KCNQ1: variants seen among roughly 807,000 people sequenced by gnomAD.
The protein encoded by KCNQ1 is potassium voltage-gated channel subfamily KQT member 1.
Under a neutral mutation model 72.4 loss-of-function variants are expected in KCNQ1, and 49 were observed. The observed-to-expected ratio is 0.68, with a 90% CI of 0.54 to 0.86. KCNQ1 has a LOEUF of 0.86. Among genes scored for constraint, KCNQ1 ranks in the 40% least tolerant of loss-of-function variants. KCNQ1 has a pLI of 0.00. For missense variants in KCNQ1, 790 were observed against 945.1 expected (o/e 0.84, Z 2.15); for synonymous variants, 450 against 412.6 (o/e 1.09, Z -1.10).
rs1213560062 is a variant in KCNQ1 at position 2,549,099 on chromosome 11, T to C, written c.477+21081T>C. 1.3e-5 allele frequency among the ~76,000 whole-genome samples: 2 copies of C among 151,052 alleles called. No individual in the cohort carries two copies. Among genetic ancestry groups the C allele is most frequent in the African/African-American group, 4.9e-5 (2 of 40,982 alleles). On this transcript the variant is annotated intron_variant, in intron 2 of 15. Transcript: ENST00000155840. The surrounding 1 kb of genome is among the most constrained non-coding windows in gnomAD (Gnocchi z 6.2). ...CATCCAGCTTCCACCCAAGGGAGAG[T>C]GGCTGGGTGGAGAGGGGGCAGGCTG... is the stretch of plus-strand genomic sequence containing the variant.
At chr11:2,586,415 A>C (rs1041773119) in intron 8 of KCNQ1, among the ~76,000 whole-genome samples, 1 of 152,146 alleles carries the variant, frequency 6.6e-6, no homozygotes, top group Non-Finnish European at 1.5e-5. Flanking sequence ...TCAGGCCCGT[A>C]AACCCGCCTT....
At position 2,572,737 on chromosome 11, in the gene KCNQ1, GCGGCGTAGGA is replaced by G. The variant is rs958882426; in HGVS notation, c.781-106_781-97del. ...CCCTGTGCATGTGAACCGCGCTGGA[GCGGCGTAGGA>G]CGCCCAGTGATCGCTGGGACTCGCT... is the stretch of plus-strand genomic sequence containing the variant. On this transcript the variant is annotated intron_variant, in intron 5 of 15. Coordinates refer to ENST00000155840, the MANE Select transcript of KCNQ1 (RefSeq NM_000218.3). 3 of 1,428,276 alleles carry G rather than the reference GCGGCGTAGGA, an allele frequency of 2.1e-6. No homozygotes were observed. In the African/African-American group the frequency reaches 4.2e-5, roughly 20 times the overall value. 88.5% of individuals were successfully genotyped at this position (1,428,276 alleles called of 1,614,324 possible).
chr11:2,659,609 G>A lies in KCNQ1; in HGVS notation c.1394-2352G>A. Reference sequence around the variant, plus strand: ...GCGAACATAAAAATTCAATTCACTTGGGTGGGAAAGGAACCGATAGGTCAT... The same window carrying A: ...GCGAACATAAAAATTCAATTCACTTAGGTGGGAAAGGAACCGATAGGTCAT... On this transcript the variant is annotated intron_variant, in intron 10 of 15. Coordinates refer to ENST00000155840, the MANE Select transcript of KCNQ1 (RefSeq NM_000218.3). The surrounding 1 kb of genome is among the most constrained non-coding windows in gnomAD (Gnocchi z 4.3). 1 of 398,410 alleles carries A rather than the reference G, an allele frequency of 2.5e-6. No homozygotes were observed. Among genetic ancestry groups the A allele is most frequent in the East Asian group, 3.6e-5 (1 of 28,038 alleles). 24.7% of individuals were successfully genotyped at this position (398,410 alleles called of 1,614,324 possible).
intron 10 of KCNQ1, chr11:2,609,743 C>T: frequency 7.5e-6 from 3 of 398,268 alleles, no homozygotes; most frequent in Non-Finnish European, 1.3e-5. Flanking sequence ...TGTATCTTCT[C>T]ATGAATTGAC....
At chr11:2,675,941 A>G in intron 11 of KCNQ1, 1 of 398,682 alleles carries the variant, frequency 2.5e-6, no homozygotes, top group Non-Finnish European at 4.4e-6. Flanking sequence ...CACACATGGT[A>G]AAACCAATTC....
chr11:2,765,257 C>T (rs1846476065), intron 11 of KCNQ1, among the ~76,000 whole-genome samples: 1 of 151,888 alleles, frequency 6.6e-6, no homozygotes, highest in Non-Finnish European at 1.5e-5. Flanking sequence ...TTCTTTGACC[C>T]CTGGGTTATT....
At position 2,598,960 on chromosome 11, in the gene KCNQ1, T is replaced by C. The variant is rs12279024; in HGVS notation, c.1393+10106T>C. Among the ~76,000 whole-genome samples the C allele has an allele frequency of 0.28, 42,490 of 152,222 alleles. 9,223 individuals carry two copies. The highest frequency in any genetic ancestry group is 0.59 in the African/African-American group (24,505 of 41,494). On this transcript the variant is annotated intron_variant, in intron 10 of 15. Transcript: ENST00000155840. The surrounding 1 kb of genome is among the most constrained non-coding windows in gnomAD (Gnocchi z 6.2). ...GTCTCTGTCTGCTGCCAAATTGGCC[T>C]CAGGCTCTATCAATACCAGATCTGA...
chr11:2,760,033 C>G (rs1421016868), intron 11 of KCNQ1, among the ~76,000 whole-genome samples: 2 of 152,252 alleles, frequency 1.3e-5, no homozygotes. Context: ...GTCCGGGAAA[C>G]TTCCTGCCTC....
intron 1 of KCNQ1, among the ~76,000 whole-genome samples, chr11:2,502,432 C>A (rs930725554): frequency 6.6e-6 from 1 of 152,076 alleles, no homozygotes; most frequent in East Asian, 1.9e-4. Flanking sequence ...AGAAAGTAAT[C>A]CCATTTAAAA....
chr11:2,731,140 G>A (rs888330591), intron 11 of KCNQ1, among the ~76,000 whole-genome samples: 5 of 152,304 alleles, frequency 3.3e-5, no homozygotes, highest in African/African-American at 4.8e-5. Flanking sequence ...CAGGGGCTGC[G>A]TTGCCCAGCC....
intron 15 of KCNQ1, among the ~76,000 whole-genome samples, chr11:2,793,971 A>G (rs1185395043): frequency 1.3e-5 from 2 of 152,176 alleles, no homozygotes; most frequent in African/African-American, 2.4e-5. Context: ...AGGGTGACAC[A>G]GGGTGGAAGA....
intron 1 of KCNQ1, among the ~76,000 whole-genome samples, chr11:2,504,298 A>G (rs1485652420): frequency 1.3e-5 from 2 of 152,076 alleles, no homozygotes; most frequent in African/African-American, 4.8e-5. Context: ...AACTCGAGAT[A>G]GAGTAAAAGG....
chr11:2,449,092 G>T (rs796190686), intron 1 of KCNQ1, among the ~76,000 whole-genome samples: 17 of 152,230 alleles, frequency 1.1e-4, no homozygotes, highest in South Asian at 8.3e-4. Flanking sequence ...AGGGCTTTGT[G>T]TCTGGGCATG....
Position 2,668,737 on chromosome 11 carries a change from C to T in KCNQ1, c.1514+6656C>T. ...ACACACACATTGCAAATATCGCCTC[C>T]CCCTCTGCAGGCTGCCTTCTTCCTC... On this transcript the variant is annotated intron_variant, in intron 11 of 15. Transcript: ENST00000155840. The surrounding 1 kb of genome is among the most constrained non-coding windows in gnomAD (Gnocchi z 4.3). The T allele has an allele frequency of 2.5e-6, 1 of 398,604 alleles. No homozygotes were observed. Among genetic ancestry groups the T allele is most frequent in the Non-Finnish European group, 4.4e-6 (1 of 226,074 alleles). The allele number at this position is 398,604 out of a possible 1,614,324, so 24.7% of individuals were successfully genotyped here. A position where few individuals can be genotyped will look rare whatever the true frequency, so the allele number is the denominator to read the frequency against.
rs546849671 is a variant in KCNQ1 at position 2,769,333 on chromosome 11, C to T, written c.1590+414C>T. ...GGGAAGGCAGGTCCCCCAGACCCCCCAGCCCTGTCCTCCACTGGCTCAGTG... is the reference window on the plus strand; with the variant it reads ...GGGAAGGCAGGTCCCCCAGACCCCCTAGCCCTGTCCTCCACTGGCTCAGTG... On this transcript the variant is annotated intron_variant, in intron 12 of 15. Coordinates refer to ENST00000155840, the MANE Select transcript of KCNQ1 (RefSeq NM_000218.3). The surrounding 1 kb of genome is among the most constrained non-coding windows in gnomAD (Gnocchi z 4.6). Among the ~76,000 whole-genome samples, 13 of 152,330 alleles carry T rather than the reference C, an allele frequency of 8.5e-5. No homozygotes were observed. The highest frequency in any genetic ancestry group is 1.2e-4 in the Non-Finnish European group (8 of 68,032).
intron 15 of KCNQ1, among the ~76,000 whole-genome samples, chr11:2,791,603 G>T (rs970866258): frequency 1.3e-5 from 2 of 152,150 alleles, no homozygotes; most frequent in African/African-American, 4.8e-5. Context: ...GGGAAGGAAG[G>T]ACGGGGCGAA....
intron 15 of KCNQ1, among the ~76,000 whole-genome samples, chr11:2,842,260 A>G (rs1474062622): frequency 6.6e-6 from 1 of 152,198 alleles, no homozygotes; most frequent in African/African-American, 2.4e-5. Flanking sequence ...CACAGCCTGG[A>G]CACTGCCCGG....
At chr11:2,717,736 G>T (rs777804056) in intron 11 of KCNQ1, among the ~76,000 whole-genome samples, 2 of 152,186 alleles carry the variant, frequency 1.3e-5, no homozygotes, top group African/African-American at 2.4e-5. Context: ...AGGAGGTGCC[G>T]CAGGGCAGCA....
chr11:2,570,213 G>T (rs976910606), intron 2 of KCNQ1, among the ~76,000 whole-genome samples: 1 of 152,096 alleles, frequency 6.6e-6, no homozygotes, highest in Non-Finnish European at 1.5e-5. Flanking sequence ...GGTTCCTGGC[G>T]TCGGACGCCC....
Sources: gnomAD v4.1 joint callset for allele counts (sites outside exome capture counted in the v4.1 genomes callset) on GRCh38, gnomAD v4.1.1 for gene constraint, Gnocchi (gnomAD v3.1) non-coding constraint, MANE v1.5 for transcripts, NCBI Gene and HGNC (gene_info 2026-07-23, HGNC 2026-07-21) for gene names.